Variants in KCNMA1 observed in about 807,000 individuals in gnomAD.
KCNMA1 encodes the protein Calcium-activated potassium channel subunit alpha-1.
In KCNMA1, 29 loss-of-function variants were observed where a neutral mutation model predicts 140.0. The ratio of observed to expected loss-of-function variants is 0.21; its 90% CI spans 0.15 to 0.28. The LOEUF is 0.28. Ranked by LOEUF, KCNMA1 falls within the 10% of genes least tolerant of loss-of-function variation. The pLI is 1.00. For missense variants in KCNMA1, 880 were observed against 1,602.2 expected, an observed-to-expected ratio of 0.55 and a Z score of 7.70; for synonymous variants, 612 against 611.9, an observed-to-expected ratio of 1.00 and a Z score of 0.00.
intron 1 of KCNMA1, among the ~76,000 whole-genome samples, chr10:77,508,319 T>C (rs2046880707): frequency 6.7e-6 from 1 of 149,374 alleles, no homozygotes; most frequent in South Asian, 2.1e-4. Flanking sequence ...GGACTACAGA[T>C]ACGCATCACC....
chr10:76,909,700 T>A (rs993846344), intron 25 of KCNMA1, among the ~76,000 whole-genome samples: 1 of 152,186 alleles, frequency 6.6e-6, no homozygotes, highest in African/African-American at 2.4e-5. Context: ...CCTTGGGGAA[T>A]TTTTCTGGGA....
Position 77,080,275 on chromosome 10 carries a change from G to A in KCNMA1, c.1524-725C>T, listed in dbSNP as rs543487397. On this transcript the variant is annotated intron_variant, in intron 12 of 27. Transcript: ENST00000286628. ...TGCAATTAAAAGTAGGTATAAATACGACAGCCTGCCCAGAGCTGCTACTCT... is the reference window on the plus strand; with the variant it reads ...TGCAATTAAAAGTAGGTATAAATACAACAGCCTGCCCAGAGCTGCTACTCT... Among the ~76,000 whole-genome samples, 8 of 152,266 alleles carry A rather than the reference G, an allele frequency of 5.3e-5. 1 individual carries two copies. In the South Asian group the frequency reaches 1.0e-3, roughly 20 times the overall value.
At chr10:77,439,260 TA>T (rs1324052006) in intron 1 of KCNMA1, among the ~76,000 whole-genome samples, 1 of 152,184 alleles carries the variant, frequency 6.6e-6, no homozygotes, top group Non-Finnish European at 1.5e-5. Context: ...CCATAAACAT[TA>T]AATTTTACTG....
chr10:77,075,186 G>C (rs998015037), intron 13 of KCNMA1, among the ~76,000 whole-genome samples: 4 of 152,094 alleles, frequency 2.6e-5, no homozygotes, highest in African/African-American at 9.7e-5. Context: ...AACTATCAAA[G>C]GACCTTCCCC....
intron 3 of KCNMA1, among the ~76,000 whole-genome samples, chr10:77,248,718 A>AT (rs968667294): frequency 7.3e-5 from 11 of 151,158 alleles, no homozygotes; most frequent in Middle Eastern, 3.4e-3. Flanking sequence ...ATAGAACTTC[A>AT]TTTTTTTTTC....
Position 77,594,196 on chromosome 10 carries a change from C to T in KCNMA1, c.378+43069G>A, listed in dbSNP as rs139263561. Among the ~76,000 whole-genome samples the T allele has an allele frequency of 9.1e-4, 138 of 152,326 alleles. 1 individual carries two copies. Among genetic ancestry groups the T allele is most frequent in the African/African-American group, 3.0e-3 (126 of 41,566 alleles). On this transcript the variant is annotated intron_variant, in intron 1 of 27. Transcript: ENST00000286628. ...TCCCCCAGAGGTGCCAGGTTTACAG[C>T]CGTTCTGTCCCTGCCATCCAAGCTT...
chr10:77,297,740 C>T (rs1047530277), intron 2 of KCNMA1, among the ~76,000 whole-genome samples: 3 of 152,210 alleles, frequency 2.0e-5, no homozygotes, highest in Non-Finnish European at 2.9e-5. Context: ...AAAACCACCT[C>T]CTTCTCCAGC....
downstream of KCNMA1, chr10:76,875,078 C>A (rs2032113774): frequency 6.6e-6 from 1 of 152,242 alleles, no homozygotes; most frequent in Non-Finnish European, 1.5e-5. Context: ...GGCCAAAGAG[C>A]TCAACAAGTA....
intron 1 of KCNMA1, among the ~76,000 whole-genome samples, chr10:77,542,111 A>G (rs1311617232): frequency 6.6e-6 from 1 of 152,176 alleles, no homozygotes; most frequent in Non-Finnish European, 1.5e-5. Flanking sequence ...CCCTTCCATC[A>G]TGTGAGGACA....
At chr10:77,200,648 A>G (rs531069189) in intron 3 of KCNMA1, among the ~76,000 whole-genome samples, 2 of 152,024 alleles carry the variant, frequency 1.3e-5, no homozygotes, top group East Asian at 1.9e-4. Context: ...TCTGGAAAAA[A>G]AAAAACCCAC....
chr10:76,922,964 T>A (rs544059690), intron 23 of KCNMA1, among the ~76,000 whole-genome samples: 114 of 152,326 alleles, frequency 7.5e-4, no homozygotes, highest in African/African-American at 2.6e-3. Flanking sequence ...GGACAAGACC[T>A]GGCTTAATAC....
At chr10:77,086,629 T>A in intron 10 of KCNMA1, 36 bp from the exon 11 acceptor site, 1 of 1,483,886 alleles carries the variant, frequency 6.7e-7, no homozygotes, top group Non-Finnish European at 9.4e-7. Context: ...ATTAATTTAA[T>A]GGACTCGGGG....
intron 5 of KCNMA1, among the ~76,000 whole-genome samples, chr10:77,163,910 A>G (rs2098602042): frequency 6.6e-6 from 1 of 152,182 alleles, no homozygotes; most frequent in South Asian, 2.1e-4. Context: ...ACCTAGAACA[A>G]AGCCTGACAC....
chr10:77,320,637 C>T (rs1383955341), intron 2 of KCNMA1, among the ~76,000 whole-genome samples: 1 of 152,148 alleles, frequency 6.6e-6, no homozygotes, highest in African/African-American at 2.4e-5. Flanking sequence ...TTGAGCCCTG[C>T]CTCACTTCTT....
At chr10:77,008,107 G>T (rs1179263412) in intron 18 of KCNMA1, 10 of 1,384,218 alleles carry the variant, frequency 7.2e-6, no homozygotes, top group Non-Finnish European at 9.8e-6. Flanking sequence ...AAACTGTACA[G>T]AAAATTAAAA....
intron 21 of KCNMA1, chr10:76,952,263 G>T: frequency 1.5e-6 from 2 of 1,311,746 alleles, no homozygotes; most frequent in Non-Finnish European, 2.1e-6. Context: ...ACTCACGCCT[G>T]TAATCCCAGC....
intron 3 of KCNMA1, among the ~76,000 whole-genome samples, chr10:77,239,767 T>G (rs779895057): frequency 1.4e-4 from 21 of 152,168 alleles, no homozygotes; most frequent in Non-Finnish European, 2.8e-4. Flanking sequence ...TGGGACCATG[T>G]CTCAGGGGAA....
intron 2 of KCNMA1, among the ~76,000 whole-genome samples, chr10:77,393,495 C>T (rs2095914398): frequency 6.6e-6 from 1 of 152,128 alleles, no homozygotes; most frequent in African/African-American, 2.4e-5. Context: ...TATTATTGTC[C>T]CCATTTTGTA....
intron 1 of KCNMA1, among the ~76,000 whole-genome samples, chr10:77,556,510 A>AAG (rs2064498544): frequency 6.6e-6 from 1 of 150,780 alleles, no homozygotes; most frequent in African/African-American, 2.4e-5. Flanking sequence ...CTCAAAAAAA[A>AAG]AAAAAAAAAA....
Sources: gnomAD v4.1 joint callset for allele counts (sites outside exome capture counted in the v4.1 genomes callset) on GRCh38, gnomAD v4.1.1 for gene constraint, MANE v1.5 for transcripts, NCBI Gene and HGNC (gene_info 2026-07-23, HGNC 2026-07-21) for gene names.